TASL: variants seen among roughly 807,000 people sequenced by gnomAD.
TASL encodes the protein TLR adaptor interacting with endolysosomal SLC15A4.
A neutral mutation model predicts 12.9 loss-of-function variants in TASL; 6 were observed. The observed-to-expected ratio is 0.46, with a 90% CI of 0.25 to 0.92. TASL has a LOEUF of 0.92. TASL is among the 40% of genes least tolerant of loss of function. The probability of loss-of-function intolerance (pLI) is 0.17; values close to 1 mark genes in which losing one functional copy is unlikely to be tolerated. For synonymous variants in TASL, 85 were observed against 79.3 expected (o/e 1.07, Z -0.38); for missense variants, 165 against 212.8 (o/e 0.78, Z 1.40).
intron 2 of TASL, among the ~76,000 whole-genome samples, chrX:30,574,101 T>C (rs1930672038): frequency 9.1e-6 from 1 of 110,399 alleles, no homozygotes; most frequent in African/African-American, 3.3e-5. Flanking sequence ...ACCCCAGTCA[T>C]GCTGATCCCT....
At chrX:30,571,203 A>AGAAAGAAG (rs201967580) in intron 2 of TASL, among the ~76,000 whole-genome samples, 3 of 101,939 alleles carry the variant, frequency 2.9e-5, no homozygotes, top group African/African-American at 1.1e-4. Context: ...AAAGAAGGAA[A>AGAAAGAAG]GAAAGAAGGA....
At position 30,560,163 on chromosome X, in the gene TASL, T is replaced by A. The variant is rs1248720806; in HGVS notation, c.193A>T (p.Ile65Phe). 1 of 1,208,758 alleles carries A rather than the reference T, an allele frequency of 8.3e-7. No homozygotes were observed. The highest frequency in any genetic ancestry group is 1.8e-5 in the African/African-American group (1 of 57,129). The change falls in exon 3 of 3, where the codon ATC becomes TTC. Residue 65 changes from isoleucine (I) to phenylalanine (F), a missense_variant. Coordinates refer to ENST00000378962, the MANE Select transcript of TASL (RefSeq NM_025159.3). Reference protein sequence around the residue: ...YVSCKSSGKFISSVHSRESQH... With the variant: ...YVSCKSSGKFFSSVHSRESQH... ...CTCTCTCTTGAATGCACTGAAGAGA[T>A]AAACTTGCCAGATGATTTGCAGCTC...
intron 2 of TASL, among the ~76,000 whole-genome samples, chrX:30,570,596 A>G (rs1292038205): frequency 9.0e-6 from 1 of 111,449 alleles, no homozygotes; most frequent in Non-Finnish European, 1.9e-5. Context: ...TAAATTGAGA[A>G]TGTGGGATTA....
At chrX:30,571,236 G>A (rs1930591225) in intron 2 of TASL, among the ~76,000 whole-genome samples, 1 of 79,159 alleles carries the variant, frequency 1.3e-5, no homozygotes, top group East Asian at 4.6e-4. Flanking sequence ...AGGAAGGAAG[G>A]AAGGAAAAAG....
At chrX:30,577,296 G>T (rs1449233834) in intron 1 of TASL, among the ~76,000 whole-genome samples, 1 of 112,417 alleles carries the variant, frequency 8.9e-6, no homozygotes, top group African/African-American at 3.2e-5. Context: ...AGCTAAACCA[G>T]TGTGGCAATT....
At position 30,559,534 on chromosome X, in the gene TASL, G is replaced by C; in HGVS notation, c.822C>G (p.Arg274=). The C allele has an allele frequency of 8.3e-7, 1 of 1,206,542 alleles. No homozygotes were observed. ...TSKARDIVFS[R]LLQLMSTEIT... ...TTTCAGTTGACATCAATTGCAATAG[G>C]CGGCTAAAGACTATATCTCTGGCTT... Residue 274 remains arginine, a synonymous_variant, in exon 3 of 3, where the codon CGC becomes CGG. Transcript: ENST00000378962.
chrX:30,560,478 G>A (rs943072641), intron 2 of TASL, 122 bp from the exon 3 acceptor site: 5 of 503,927 alleles, frequency 9.9e-6, no homozygotes, highest in East Asian at 3.7e-5. Context: ...CACCAAGCTC[G>A]TACTAATTCT....
At chrX:30,562,073 G>T in intron 2 of TASL, among the ~76,000 whole-genome samples, 1 of 111,852 alleles carries the variant, frequency 8.9e-6, no homozygotes, top group Non-Finnish European at 1.9e-5. Context: ...CTGCCTTCAA[G>T]TCCTCAGAAT....
intron 2 of TASL, among the ~76,000 whole-genome samples, chrX:30,567,971 T>C (rs745575899): frequency 1.3e-4 from 15 of 112,075 alleles, no homozygotes; most frequent in African/African-American, 4.2e-4. Context: ...GTACGGTGGC[T>C]CACACCTGTA....
chrX:30,570,876 T>C (rs925873028), intron 2 of TASL, among the ~76,000 whole-genome samples: 1 of 111,682 alleles, frequency 9.0e-6, no homozygotes, highest in Non-Finnish European at 1.9e-5. Flanking sequence ...TCCACTTTAA[T>C]GCACTTAAAA....
intron 2 of TASL, among the ~76,000 whole-genome samples, chrX:30,564,269 A>G (rs1930466833): frequency 8.9e-6 from 1 of 112,017 alleles, no homozygotes; most frequent in Admixed American, 9.5e-5. Context: ...GATGGAAAAT[A>G]AAACTAGAGA....
At chrX:30,570,296 T>C (rs987701558) in intron 2 of TASL, among the ~76,000 whole-genome samples, 19 of 109,879 alleles carry the variant, frequency 1.7e-4, no homozygotes, top group African/African-American at 6.0e-4. Context: ...CACGCACTAG[T>C]ATTTAAGAGA....
At chrX:30,571,315 A>AAAGAAAGG in intron 2 of TASL, among the ~76,000 whole-genome samples, 1 of 98,633 alleles carries the variant, frequency 1.0e-5, no homozygotes, top group African/African-American at 3.5e-5. Context: ...AGAAAGAAAG[A>AAAGAAAGG]AAGAAAGAAA....
chrX:30,561,346 C>T (rs1282418616), intron 2 of TASL, among the ~76,000 whole-genome samples: 3 of 111,391 alleles, frequency 2.7e-5, no homozygotes, highest in Non-Finnish European at 3.8e-5. Context: ...ACATCTGCCT[C>T]CCCTCCCTAC....
At chrX:30,560,384 G>A (rs749718791) in intron 2 of TASL, 28 bp from the exon 3 acceptor site, 1 of 1,057,863 alleles carries the variant, frequency 9.5e-7, no homozygotes, top group Non-Finnish European at 1.3e-6. Context: ...GAGTAAGAAT[G>A]GGGAAAAAGA....
chrX:30,564,959 C>T (rs1015318091), intron 2 of TASL, among the ~76,000 whole-genome samples: 5 of 111,729 alleles, frequency 4.5e-5, no homozygotes, highest in African/African-American at 1.6e-4. Context: ...TGGGAGGCCA[C>T]CCAGCCTCTA....
chrX:30,576,675 A>G (rs1002053767), intron 2 of TASL, 77 bp downstream of exon 2: 12 of 111,691 alleles, frequency 1.1e-4, no homozygotes, highest in Non-Finnish European at 1.9e-4. Context: ...TACATATGAG[A>G]TGAGAAATGT....
At chrX:30,577,133 C>G (rs1217933718) in intron 1 of TASL, among the ~76,000 whole-genome samples, 1 of 112,136 alleles carries the variant, frequency 8.9e-6, no homozygotes, top group Non-Finnish European at 1.9e-5. Flanking sequence ...CTATCACAAG[C>G]TTGCTGAACT....
rs762083306 is a variant in TASL, at chrX:30,559,814, A to C, written c.542T>G (p.Ile181Ser). The change falls in exon 3 of 3, where the codon ATC becomes AGC. Residue 181 changes from isoleucine to serine, a missense_variant. Ile to Ser is a moderately radical substitution (Grantham distance 142, BLOSUM62 -2). Coordinates refer to ENST00000378962, the MANE Select transcript of TASL (RefSeq NM_025159.3). Reference protein sequence around the residue: ...TQPSDFPQKPIQRYSSYWRIT... With the variant: ...TQPSDFPQKPSQRYSSYWRIT... ...TCTCCAATAGGATGAGTACCGCTGG[A>C]TAGGTTTTTGGGGAAAGTCACTGGG... 1.9e-5 allele frequency: 23 copies of C among 1,208,902 alleles called. No homozygotes were observed. Among genetic ancestry groups the C allele is most frequent in the Admixed American group, 1.1e-4 (5 of 45,574 alleles).
Sources: gnomAD v4.1 joint callset for allele counts (sites outside exome capture counted in the v4.1 genomes callset) on GRCh38, gnomAD v4.1.1 for gene constraint, MANE v1.5 for transcripts, NCBI Gene and HGNC (gene_info 2026-07-23, HGNC 2026-07-21) for gene names.